Variants in COL25A1 observed in about 807,000 individuals in gnomAD.
The protein encoded by COL25A1 is collagen alpha-1(XXV) chain.
A neutral mutation model predicts 128.4 loss-of-function variants in COL25A1; 103 were observed. The observed-to-expected ratio is 0.80, with a 90% confidence interval of 0.68 to 0.94. COL25A1 has a LOEUF of 0.94. Among genes scored for constraint, COL25A1 ranks in the 40% least tolerant of loss-of-function variants. The pLI is 0.00. For synonymous variants in COL25A1, 279 were observed against 277.2 expected (o/e 1.01, Z -0.06); for missense variants, 745 against 840.0 (o/e 0.89, Z 1.40).
intron 13 of COL25A1, among the ~76,000 whole-genome samples, chr4:108,912,878 A>G (rs933478753): frequency 6.6e-6 from 1 of 152,204 alleles, no homozygotes; most frequent in African/African-American, 2.4e-5. Context: ...ATAAGAGATA[A>G]AAAGGAATTT....
rs891534313 is a variant in COL25A1, at chr4:108,812,338, A to G, written c.*1589T>C. On this transcript the variant is annotated 3_prime_UTR_variant, in exon 38 of 38. Transcript: ENST00000399132. ...AAATATAGACAAAACTTAAAACCAT[A>G]AAAATAGAAATTAGTTAATATTACC... is the stretch of plus-strand genomic sequence containing the variant. 1 of 152,242 alleles carries G rather than the reference A, an allele frequency of 6.6e-6. No homozygotes were observed. Among genetic ancestry groups the G allele is most frequent in the African/African-American group, 2.4e-5 (1 of 41,472 alleles). 9.4% of individuals were successfully genotyped at this position (152,242 alleles called of 1,614,324 possible). A position where few individuals can be genotyped will look rare whatever the true frequency, so the allele number is the denominator to read the frequency against.
At chr4:109,206,566 A>G (rs1450085418) in intron 3 of COL25A1, among the ~76,000 whole-genome samples, 1 of 152,190 alleles carries the variant, frequency 6.6e-6, no homozygotes, top group Non-Finnish European at 1.5e-5. Context: ...TCTAACAAAA[A>G]TCTCATCTCT....
chr4:109,117,843 G>T (rs1767751002), intron 3 of COL25A1, among the ~76,000 whole-genome samples: 1 of 151,810 alleles, frequency 6.6e-6, no homozygotes, highest in African/African-American at 2.4e-5. Flanking sequence ...TTAGAAAGTG[G>T]ACTCAGATTA....
chr4:109,296,424 T>C (rs761917855), intron 3 of COL25A1, among the ~76,000 whole-genome samples: 1 of 152,090 alleles, frequency 6.6e-6, no homozygotes, highest in Non-Finnish European at 1.5e-5. Flanking sequence ...TACCTGTACA[T>C]TCACATCATT....
intron 19 of COL25A1, among the ~76,000 whole-genome samples, chr4:108,874,422 A>T (rs1039460017): frequency 6.6e-6 from 1 of 152,090 alleles, no homozygotes; most frequent in Non-Finnish European, 1.5e-5. Flanking sequence ...GGAGTTAAGT[A>T]CTTAACATTA....
intron 8 of COL25A1, among the ~76,000 whole-genome samples, chr4:108,943,463 A>C (rs574120480): frequency 1.0e-3 from 152 of 152,170 alleles, no homozygotes; most frequent in Non-Finnish European, 2.0e-3. Flanking sequence ...CATATGATGA[A>C]TCTCAGATCT....
At chr4:108,971,429 C>G (rs569352421) in intron 8 of COL25A1, among the ~76,000 whole-genome samples, 2 of 152,216 alleles carry the variant, frequency 1.3e-5, no homozygotes. Flanking sequence ...ATAGAATAAT[C>G]TCTGGTTCAG....
intron 8 of COL25A1, among the ~76,000 whole-genome samples, chr4:108,972,626 C>G (rs1396330263): frequency 6.6e-6 from 1 of 152,156 alleles, no homozygotes. Flanking sequence ...ATTAGGAATT[C>G]AACCCAAATT....
rs1031337629 is a variant in COL25A1, at chr4:109,059,686, A to G, written c.368-9507T>C. 3.3e-5 allele frequency among the ~76,000 whole-genome samples: 5 copies of G among 152,338 alleles called. No individual in the cohort carries two copies. The South Asian group carries it at 1.0e-3, about 32-fold the overall frequency. On this transcript the variant is annotated intron_variant, in intron 3 of 37. Transcript: ENST00000399132. ...ATGTGATTAACACATATTTATGTTT[A>G]AGCTCAGTTAATATGCTCTTATACC...
chr4:109,041,202 G>A (rs1037430944), intron 5 of COL25A1, among the ~76,000 whole-genome samples: 3 of 152,026 alleles, frequency 2.0e-5, no homozygotes, highest in African/African-American at 7.2e-5. Flanking sequence ...GAAAGAGAAG[G>A]CCGTAACAAT....
intron 20 of COL25A1, among the ~76,000 whole-genome samples, chr4:108,867,120 TA>T (rs1392531954): frequency 2.6e-5 from 4 of 152,234 alleles, no homozygotes; most frequent in Non-Finnish European, 5.9e-5. Flanking sequence ...CAGAATAGTT[TA>T]AAATCAGGAA....
chr4:109,085,855 T>C (rs1764311494), intron 3 of COL25A1, among the ~76,000 whole-genome samples: 1 of 152,180 alleles, frequency 6.6e-6, no homozygotes, highest in African/African-American at 2.4e-5. Context: ...AAAGAATAAA[T>C]GATAGCCTAT....
chr4:108,970,493 T>C lies in COL25A1; in HGVS notation c.492+3874A>G, dbSNP rs1486929911. ...CTGTTACATATGTTGTTTTGAAATA[T>C]GTATACATCATGCGATGGCTATATC... On this transcript the variant is annotated intron_variant, in intron 8 of 37. Coordinates refer to ENST00000399132, the MANE Select transcript of COL25A1 (RefSeq NM_198721.4). 2.6e-5 allele frequency among the ~76,000 whole-genome samples: 4 copies of C among 152,222 alleles called. No individual in the cohort carries two copies. The South Asian group carries it at 8.3e-4, about 32-fold the overall frequency.
At chr4:109,083,829 CAAAG>C (rs1367349316) in intron 3 of COL25A1, among the ~76,000 whole-genome samples, 1 of 152,206 alleles carries the variant, frequency 6.6e-6, no homozygotes, top group East Asian at 1.9e-4. Flanking sequence ...TAATCTTCCA[CAAAG>C]AAAGATATAA....
intron 3 of COL25A1, among the ~76,000 whole-genome samples, chr4:109,264,780 G>A (rs1162924103): frequency 2.0e-5 from 3 of 152,122 alleles, no homozygotes; most frequent in Non-Finnish European, 4.4e-5. Flanking sequence ...GATATCATTG[G>A]CACTCCCTGG....
intron 13 of COL25A1, among the ~76,000 whole-genome samples, chr4:108,908,681 T>C (rs1247569968): frequency 6.6e-6 from 1 of 152,094 alleles, no homozygotes; most frequent in Admixed American, 6.6e-5. Flanking sequence ...GACAAGGGAA[T>C]TGCAATGGAG....
chr4:109,161,766 T>G (rs190272175), intron 3 of COL25A1, among the ~76,000 whole-genome samples: 46 of 152,332 alleles, frequency 3.0e-4, no homozygotes, highest in African/African-American at 1.1e-3. Context: ...AAAATTATAC[T>G]GAAGATGGAA....
At chr4:109,227,417 G>A (rs547557168) in intron 3 of COL25A1, among the ~76,000 whole-genome samples, 48 of 152,300 alleles carry the variant, frequency 3.2e-4, no homozygotes, top group African/African-American at 9.9e-4. Context: ...ACTTGGCAGG[G>A]AAGGTATCTT....
chr4:109,056,995 G>A (rs959071788), intron 3 of COL25A1, among the ~76,000 whole-genome samples: 3 of 152,054 alleles, frequency 2.0e-5, no homozygotes, highest in Admixed American at 2.0e-4. Flanking sequence ...GAACAGCTTG[G>A]GCTACAGGCA....
Sources: allele counts gnomAD v4.1 joint callset (sites outside exome capture counted in the v4.1 genomes callset), GRCh38; gene constraint gnomAD v4.1.1; transcripts MANE v1.5; gene names NCBI Gene and HGNC (gene_info 2026-07-23, HGNC 2026-07-21).